The following ATP6V0D2 variants were observed in gnomAD, a reference collection of about 807,000 sequenced individuals.
ATP6V0D2 encodes V-type proton ATPase subunit d 2.
ATP6V0D2 carries 40 observed loss-of-function variants against 40.0 expected under a neutral mutation model. The observed-to-expected ratio is 1.00, with a 90% CI of 0.78 to 1.30. The LOEUF (loss-of-function observed/expected upper bound fraction) is 1.30. ATP6V0D2 is among the 50% of genes most tolerant of loss of function. ATP6V0D2 has a pLI of 0.00. For synonymous variants in ATP6V0D2, 179 were observed against 156.3 expected, an observed-to-expected ratio of 1.15 and a Z score of -1.08; for missense variants, 470 against 423.1, an observed-to-expected ratio of 1.11 and a Z score of -0.97.
Position 86,142,150 on chromosome 8 carries a change from T to C in ATP6V0D2, c.561+621T>C, listed in dbSNP as rs73261185. 7.5e-3 allele frequency among the ~76,000 whole-genome samples: 1,146 copies of C among 152,330 alleles called. 14 individuals are homozygous for C. The highest frequency in any genetic ancestry group is 0.026 in the African/African-American group (1,064 of 41,580). On this transcript the variant is annotated intron_variant, in intron 4 of 7. Coordinates refer to ENST00000285393, the MANE Select transcript of ATP6V0D2 (RefSeq NM_152565.1). The stretch of plus-strand genomic sequence containing the variant: ...GACACTCACACACAGTAACTGAACA[T>C]ATATGGCATGCTGTGTTCAAACATG...
chr8:86,149,885 G>C (rs1819119923), intron 5 of ATP6V0D2, among the ~76,000 whole-genome samples: 1 of 152,052 alleles, frequency 6.6e-6, no homozygotes, highest in African/African-American at 2.4e-5. Flanking sequence ...TGGGGTTTCA[G>C]GAGTCATAGG....
chr8:86,125,367 AC>A (rs541476117), intron 2 of ATP6V0D2, among the ~76,000 whole-genome samples: 290 of 152,230 alleles, frequency 1.9e-3, no homozygotes, highest in Non-Finnish European at 3.0e-3. Flanking sequence ...CTGTCCCATA[AC>A]CTTCATTTTC....
chr8:86,105,123 T>TG (rs1818452052), intron 1 of ATP6V0D2, among the ~76,000 whole-genome samples: 1 of 78,834 alleles, frequency 1.3e-5, no homozygotes, highest in Admixed American at 1.0e-4. Context: ...GCTTCAACTT[T>TG]AGCTCCACGG....
chr8:86,127,282 T>C (rs752831654), intron 2 of ATP6V0D2, among the ~76,000 whole-genome samples: 5 of 152,184 alleles, frequency 3.3e-5, no homozygotes, highest in Non-Finnish European at 5.9e-5. Flanking sequence ...TAACAAAAAA[T>C]GTTTACCAAT....
chr8:86,130,129 A>G (rs918425695), intron 2 of ATP6V0D2, among the ~76,000 whole-genome samples: 2 of 152,044 alleles, frequency 1.3e-5, no homozygotes, highest in Non-Finnish European at 2.9e-5. Flanking sequence ...AGTCCAATGG[A>G]TATTTTTTCA....
intron 5 of ATP6V0D2, among the ~76,000 whole-genome samples, chr8:86,148,194 T>C (rs530338201): frequency 6.6e-6 from 1 of 152,344 alleles, no homozygotes; most frequent in Non-Finnish European, 1.5e-5. Context: ...TAATTTTTGT[T>C]TTAAGTTTTC....
rs375754386 is a variant in ATP6V0D2, at chr8:86,114,030, A to G, written c.302+150A>G. The stretch of plus-strand genomic sequence containing the variant: ...TTCATTCACATTTTAGCAACTGATA[A>G]GCTCATAGAGCCACATTTTTGCATT... On this transcript the variant is annotated intron_variant, in intron 2 of 7. Transcript: ENST00000285393. 6.2e-6 allele frequency: 4 copies of G among 640,106 alleles called. No individual in the cohort carries two copies. In the East Asian group the frequency reaches 9.7e-5, roughly 15 times the overall value. The allele number at this position is 640,106 out of a possible 1,614,324, so 39.7% of individuals were successfully genotyped here.
At chr8:86,141,356 G>T in intron 3 of ATP6V0D2, 94 bp from the exon 4 acceptor site, 1 of 811,396 alleles carries the variant, frequency 1.2e-6, no homozygotes, top group Non-Finnish European at 2.0e-6. Flanking sequence ...TTCTTGTCAG[G>T]AGTGAGCAGA....
intron 5 of ATP6V0D2, among the ~76,000 whole-genome samples, chr8:86,146,673 C>T (rs1012931694): frequency 5.3e-5 from 8 of 152,154 alleles, no homozygotes; most frequent in Non-Finnish European, 7.4e-5. Context: ...GGCTGGGTGA[C>T]GGAGTGAGAT....
At chr8:86,107,185 T>G (rs1459791141) in intron 1 of ATP6V0D2, among the ~76,000 whole-genome samples, 1 of 151,982 alleles carries the variant, frequency 6.6e-6, no homozygotes, top group Non-Finnish European at 1.5e-5. Context: ...TCTTGAATAA[T>G]AGATTGATAA....
chr8:86,145,292 A>G lies in ATP6V0D2; in HGVS notation c.639+2338A>G, dbSNP rs1254145894. Among the ~76,000 whole-genome samples the G allele has an allele frequency of 3.1e-4, 34 of 109,416 alleles. 1 individual carries two copies. The highest frequency in any genetic ancestry group is 7.1e-4 in the Admixed American group (7 of 9,904). The allele number at this position is 109,416 out of a possible 152,430, so 71.8% of individuals were successfully genotyped here. A position where few individuals can be genotyped will look rare whatever the true frequency, so the allele number is the denominator to read the frequency against. On this transcript the variant is annotated intron_variant, in intron 5 of 7. Coordinates refer to ENST00000285393, the MANE Select transcript of ATP6V0D2 (RefSeq NM_152565.1). Reference sequence around the variant, plus strand: ...AAGAAAGAAAGAAAGAAAGAAAGAAAGAAAGAAAGAAAGAAAGAAAAGAAA... The same window carrying G: ...AAGAAAGAAAGAAAGAAAGAAAGAAGGAAAGAAAGAAAGAAAGAAAAGAAA...
rs1818945192 is a variant in ATP6V0D2 at position 86,139,523 on chromosome 8, A to G, written c.369A>G (p.Lys123=). ...GTGCATTGCAGAAAAAATCTGTGAA[A>G]GAAATTCTGGGGAAGTGCCACCCCT... ...MNGALQKKSV[K]EILGKCHPLG... Residue 123 remains lysine, a synonymous_variant, in exon 3 of 8, where the codon AAA becomes AAG. Coordinates refer to ENST00000285393, the MANE Select transcript of ATP6V0D2 (RefSeq NM_152565.1). 3 of 1,613,776 alleles carry G rather than the reference A, an allele frequency of 1.9e-6. No individual in the cohort carries two copies. Among genetic ancestry groups the G allele is most frequent in the Non-Finnish European group, 2.5e-6 (3 of 1,179,838 alleles).
At chr8:86,124,333 C>G (rs1369568729) in intron 2 of ATP6V0D2, among the ~76,000 whole-genome samples, 1 of 152,166 alleles carries the variant, frequency 6.6e-6, no homozygotes, top group Non-Finnish European at 1.5e-5. Flanking sequence ...ATCAGCATAA[C>G]AGTAAGTGAC....
At chr8:86,102,828 G>A (rs1426673822) in intron 1 of ATP6V0D2, among the ~76,000 whole-genome samples, 1 of 152,116 alleles carries the variant, frequency 6.6e-6, no homozygotes, top group Non-Finnish European at 1.5e-5. Flanking sequence ...CATTGCCTTT[G>A]TCACTGGTAT....
At chr8:86,113,303 A>C (rs112898599) in intron 1 of ATP6V0D2, among the ~76,000 whole-genome samples, 3,264 of 151,742 alleles carry the variant, frequency 0.022, 117 homozygotes, top group African/African-American at 0.075. Context: ...ACATGGTGAA[A>C]CCCTGTCTCT....
At chr8:86,102,053 C>T (rs552146342) in intron 1 of ATP6V0D2, among the ~76,000 whole-genome samples, 94 of 152,292 alleles carry the variant, frequency 6.2e-4, no homozygotes, top group African/African-American at 2.2e-3. Flanking sequence ...GACCACCTAA[C>T]ACGCTATTGG....
chr8:86,132,920 T>C (rs1818846180), intron 2 of ATP6V0D2, among the ~76,000 whole-genome samples: 1 of 152,186 alleles, frequency 6.6e-6, no homozygotes, highest in Non-Finnish European at 1.5e-5. Context: ...TCCACAGTAC[T>C]TGTACCAATT....
intron 2 of ATP6V0D2, among the ~76,000 whole-genome samples, chr8:86,133,727 C>T (rs1435751366): frequency 1.3e-5 from 2 of 152,068 alleles, no homozygotes; most frequent in Non-Finnish European, 1.5e-5. Flanking sequence ...ACCCAGATGT[C>T]TACCCTTACC....
At chr8:86,108,994 G>A (rs1818502934) in intron 1 of ATP6V0D2, among the ~76,000 whole-genome samples, 1 of 151,874 alleles carries the variant, frequency 6.6e-6, no homozygotes, top group Non-Finnish European at 1.5e-5. Context: ...TGATTTAGTT[G>A]GTAGTGATCC....
Sources: allele counts gnomAD v4.1 joint callset (sites outside exome capture counted in the v4.1 genomes callset), GRCh38; gene constraint gnomAD v4.1.1; transcripts MANE v1.5; gene names NCBI Gene and HGNC (gene_info 2026-07-23, HGNC 2026-07-21).